ST6GALNAC1: variants seen among roughly 807,000 people sequenced by gnomAD.
ST6GALNAC1 encodes the protein alpha-N-acetylgalactosaminide alpha-2,6-sialyltransferase 1.
ST6GALNAC1 carries 45 observed loss-of-function variants against 56.8 expected under a neutral mutation model. The observed-to-expected ratio is 0.79, with a 90% CI of 0.62 to 1.02. The LOEUF is 1.02. Ranked by LOEUF, ST6GALNAC1 falls within the 50% of genes least tolerant of loss-of-function variation. The probability of loss-of-function intolerance (pLI) is 0.00; values close to 1 mark genes in which losing one functional copy is unlikely to be tolerated. For missense variants in ST6GALNAC1, 743 were observed against 754.8 expected, an observed-to-expected ratio of 0.98 and a Z score of 0.18; for synonymous variants, 295 against 297.8, an observed-to-expected ratio of 0.99 and a Z score of 0.10.
chr17:76,638,667 GCCTCCCGGA>G (rs1343603082), intron 1 of ST6GALNAC1, among the ~76,000 whole-genome samples: 5 of 152,212 alleles, frequency 3.3e-5, no homozygotes, highest in Non-Finnish European at 7.4e-5. Context: ...AGCAAGCTCT[GCCTCCCGGA>G]TTCAGGCAAT....
downstream of ST6GALNAC1, among the ~76,000 whole-genome samples, chr17:76,619,777 A>C (rs1598282126): frequency 1.7e-5 from 2 of 119,522 alleles, no homozygotes; most frequent in Admixed American, 1.1e-4. Context: ...GCAGAGTCTC[A>C]CTCTGTCGCC....
At chr17:76,619,739 A>AGTTTTTTTTTTTTT in the ST6GALNAC1 span, among the ~76,000 whole-genome samples, 1 of 88,408 alleles carries the variant, frequency 1.1e-5, no homozygotes, top group African/African-American at 4.3e-5. Context: ...TAATAATGTT[A>AGTTTTTTTTTTTTT]GTTTTTTTTT....
Position 76,643,667 on chromosome 17 carries a change from T to G in ST6GALNAC1, c.-29A>C. On this transcript the variant is annotated 5_prime_UTR_variant, in exon 1 of 9. Coordinates refer to ENST00000156626, the MANE Select transcript of ST6GALNAC1 (RefSeq NM_018414.5). Reference sequence around the variant, plus strand: ...GGTGGGTCGGGTTCTAGAGGAAGGTTCTGCATGTCCTGGGGCCTTGATGTA... The same window carrying G: ...GGTGGGTCGGGTTCTAGAGGAAGGTGCTGCATGTCCTGGGGCCTTGATGTA... The G allele has an allele frequency of 6.2e-7, 1 of 1,611,596 alleles. No homozygotes were observed. Among genetic ancestry groups the G allele is most frequent in the Non-Finnish European group, 8.5e-7 (1 of 1,178,712 alleles).
Position 76,625,113 on chromosome 17 carries a change from C to T in ST6GALNAC1, c.*217G>A, listed in dbSNP as rs2075776643. On this transcript the variant is annotated 3_prime_UTR_variant, in exon 9 of 9. Transcript: ENST00000156626. ...ACCCCATTTAATTAAAAATCCCTGGCCTCAGGACCTACAGCAATGTACTGA... is the reference window on the plus strand; with the variant it reads ...ACCCCATTTAATTAAAAATCCCTGGTCTCAGGACCTACAGCAATGTACTGA... 3.4e-6 allele frequency: 2 copies of T among 580,292 alleles called. No homozygotes were observed. The highest frequency in any genetic ancestry group is 5.7e-5 in the East Asian group (2 of 35,392). 35.9% of individuals were successfully genotyped at this position (580,292 alleles called of 1,614,324 possible).
At chr17:76,621,718 G>A (rs192852962), downstream of ST6GALNAC1, among the ~76,000 whole-genome samples, 49 of 151,970 alleles carry the variant, frequency 3.2e-4, no homozygotes, top group African/African-American at 9.9e-4. Context: ...CAGGTGATCC[G>A]CCCGCCTCGG....
rs753127137 is a variant in ST6GALNAC1 at position 76,629,015 on chromosome 17, C to G, written c.828G>C (p.Gln276His). 1.0e-5 allele frequency: 16 copies of G among 1,527,580 alleles called. No homozygotes were observed. In the South Asian group the frequency reaches 2.1e-4, roughly 20 times the overall value. 94.6% of individuals were successfully genotyped at this position (1,527,580 alleles called of 1,614,324 possible). ...AGGCGTGGTGGCAAAAACTCACCGTCTGAAGGCCTCCTATTTCGAAGCTGT... is the reference window on the plus strand; with the variant it reads ...AGGCGTGGTGGCAAAAACTCACCGTGTGAAGGCCTCCTATTTCGAAGCTGT... ...EKYSFEIGGL[Q>H]TTCPDSVKIK... The change falls in exon 2 of 9, where the codon CAG (glutamine) becomes CAC (histidine). Residue 276 changes from glutamine to histidine, a missense_variant. By Grantham distance (24) the Gln-to-His change is conservative. Coordinates refer to ENST00000156626, the MANE Select transcript of ST6GALNAC1 (RefSeq NM_018414.5).
In ST6GALNAC1 at chr17:76,626,692, T is replaced by G. The variant is rs35948039; in HGVS notation, c.1270A>C (p.Ile424Leu). The G allele has an allele frequency of 3.6e-5, 58 of 1,613,986 alleles. No individual in the cohort carries two copies. The highest frequency in any genetic ancestry group is 5.0e-5 in the Admixed American group (3 of 59,994). The change falls in exon 5 of 9, where the codon ATA (isoleucine) becomes CTA (leucine). Residue 424 changes from isoleucine to leucine, a missense_variant. Coordinates refer to ENST00000156626, the MANE Select transcript of ST6GALNAC1 (RefSeq NM_018414.5). ...TAFSLTQSLLILGNRGFKNVP... is the reference protein window; with the variant it reads ...TAFSLTQSLLLLGNRGFKNVP... ...TTCTTGAAACCCCGATTGCCCAATA[T>G]AAGGAGTGACTGGGTCAGGGAGAAG... is the stretch of plus-strand genomic sequence containing the variant.
intron 1 of ST6GALNAC1, among the ~76,000 whole-genome samples, chr17:76,635,089 T>G (rs771010496): frequency 1.4e-4 from 21 of 152,344 alleles, no homozygotes; most frequent in Non-Finnish European, 2.8e-4. Flanking sequence ...CCATTTTCTC[T>G]TGTTATTCTG....
At position 76,627,410 on chromosome 17, in the gene ST6GALNAC1, C is replaced by G; in HGVS notation, c.1000+5G>C. On this transcript the variant is annotated splice_donor_5th_base_variant and intron_variant, in intron 3 of 8. Transcript: ENST00000156626. The surrounding 1 kb of genome is among the most constrained non-coding windows in gnomAD (Gnocchi z 4.4). ...CCCACACCTTCCCCTGGGTTAAGGACTCACAGGAGTAGTTGAGCTCCATGA... is the reference window on the plus strand; with the variant it reads ...CCCACACCTTCCCCTGGGTTAAGGAGTCACAGGAGTAGTTGAGCTCCATGA... 5.6e-6 allele frequency: 9 copies of G among 1,614,056 alleles called. No individual in the cohort carries two copies. The highest frequency in any genetic ancestry group is 7.6e-6 in the Non-Finnish European group (9 of 1,179,966).
intron 1 of ST6GALNAC1, among the ~76,000 whole-genome samples, chr17:76,640,750 G>A (rs1426524131): frequency 6.6e-6 from 1 of 152,152 alleles, no homozygotes; most frequent in Admixed American, 6.5e-5. Context: ...AAAGTCCGGT[G>A]ACCACAAAGG....
chr17:76,627,537 A>T lies in ST6GALNAC1; in HGVS notation c.878T>A (p.Leu293His). 1 of 1,614,170 alleles carries T rather than the reference A, an allele frequency of 6.2e-7. No individual in the cohort carries two copies. Among genetic ancestry groups the T allele is most frequent in the South Asian group, 1.1e-5 (1 of 91,088 alleles). ...GAGGTTGGGCAGAAAGAGTTTCTGG[A>T]GCCACAGCGACTTGGAGGCTTTGAT... The part of the protein sequence containing the change: ...VKIKASKSLW[L>H]QKLFLPNLTL... The change falls in exon 3 of 9, where the codon CTC (leucine) becomes CAC (histidine). Residue 293 changes from leucine (L) to histidine (H), a missense_variant. Leu to His is a moderately conservative substitution (Grantham distance 99). Coordinates refer to ENST00000156626, the MANE Select transcript of ST6GALNAC1 (RefSeq NM_018414.5). The surrounding 1 kb of genome is among the most constrained non-coding windows in gnomAD (Gnocchi z 4.4).
intron 4 of ST6GALNAC1, 110 bp downstream of exon 4, chr17:76,626,957 G>T: frequency 6.9e-7 from 1 of 1,459,308 alleles, no homozygotes; most frequent in Non-Finnish European, 9.3e-7. Context: ...CATCCTATGG[G>T]TCTCTCAGAA....
chr17:76,625,193 G>T lies in ST6GALNAC1; in HGVS notation c.*137C>A. The T allele has an allele frequency of 1.2e-6, 1 of 868,612 alleles. No individual in the cohort carries two copies. 53.8% of individuals were successfully genotyped at this position (868,612 alleles called of 1,614,324 possible). Reference sequence around the variant, plus strand: ...CCATCTTGAGAGAGTCTTGTCCATGGTTCAAGTGTTCCCTTGGAACTCCTG... The same window carrying T: ...CCATCTTGAGAGAGTCTTGTCCATGTTTCAAGTGTTCCCTTGGAACTCCTG... On this transcript the variant is annotated 3_prime_UTR_variant, in exon 9 of 9. Coordinates refer to ENST00000156626, the MANE Select transcript of ST6GALNAC1 (RefSeq NM_018414.5).
chr17:76,625,206 C>G lies in ST6GALNAC1; in HGVS notation c.*124G>C, dbSNP rs575841143. On this transcript the variant is annotated 3_prime_UTR_variant, in exon 9 of 9. Coordinates refer to ENST00000156626, the MANE Select transcript of ST6GALNAC1 (RefSeq NM_018414.5). ...GTCTTGTCCATGGTTCAAGTGTTCC[C>G]TTGGAACTCCTGAAGGGCTTGGAGC... 238 of 1,004,486 alleles carry G rather than the reference C, an allele frequency of 2.4e-4. No individual in the cohort carries two copies. The highest frequency in any genetic ancestry group is 3.3e-4 in the Non-Finnish European group (227 of 693,994). The allele number at this position is 1,004,486 out of a possible 1,614,324, so 62.2% of individuals were successfully genotyped here. A position where few individuals can be genotyped will look rare whatever the true frequency, so the allele number is the denominator to read the frequency against.
intron 1 of ST6GALNAC1, among the ~76,000 whole-genome samples, chr17:76,630,133 T>C (rs1248711485): frequency 6.6e-6 from 1 of 152,170 alleles, no homozygotes; most frequent in Non-Finnish European, 1.5e-5. Flanking sequence ...GATATGTACA[T>C]AGGACATACA....
rs141218382 is a variant in ST6GALNAC1 at position 76,642,411 on chromosome 17, C to T, written c.131+1097G>A. ...CTAATAATGAGAATTAGTGAGTTAA[C>T]GTATATCAAGCACTTAGAATAGGGG... On this transcript the variant is annotated intron_variant, in intron 1 of 8. Transcript: ENST00000156626. 1.8e-3 allele frequency among the ~76,000 whole-genome samples: 268 copies of T among 152,152 alleles called. 1 individual carries two copies. Among genetic ancestry groups the T allele is most frequent in the African/African-American group, 6.0e-3 (248 of 41,498 alleles).
Position 76,627,331 on chromosome 17 carries a change from G to T in ST6GALNAC1, c.1000+84C>A. On this transcript the variant is annotated intron_variant, in intron 3 of 8. Transcript: ENST00000156626. The surrounding 1 kb of genome is among the most constrained non-coding windows in gnomAD (Gnocchi z 4.4). ...CCCAGGTCTGGCAAACCCCAGGGAA[G>T]AGGCAGACCAGAAAGCCAGCTGCCC... is the stretch of plus-strand genomic sequence containing the variant. 6.3e-7 allele frequency: 1 copy of T among 1,578,156 alleles called. No homozygotes were observed. Among genetic ancestry groups the T allele is most frequent in the Non-Finnish European group, 8.6e-7 (1 of 1,161,176 alleles).
At chr17:76,621,186 C>CTTTTTTTTTTTTTTTTT (rs775271169), downstream of ST6GALNAC1, among the ~76,000 whole-genome samples, 1 of 110,048 alleles carries the variant, frequency 9.1e-6, no homozygotes, top group Non-Finnish European at 1.7e-5. Flanking sequence ...TTCTTTCTTT[C>CTTTTTTTTTTTTTTTTT]TTTTTTTTTT....
chr17:76,620,439 A>G (rs1365865899), downstream of ST6GALNAC1, among the ~76,000 whole-genome samples: 1 of 152,182 alleles, frequency 6.6e-6, no homozygotes, highest in Non-Finnish European at 1.5e-5. Context: ...TGCAAAGGCA[A>G]AACTGCAAAA....
Sources: gnomAD v4.1 joint callset for allele counts (sites outside exome capture counted in the v4.1 genomes callset) on GRCh38, gnomAD v4.1.1 for gene constraint, Gnocchi (gnomAD v3.1) non-coding constraint, MANE v1.5 for transcripts, NCBI Gene and HGNC (gene_info 2026-07-23, HGNC 2026-07-21) for gene names.